MTOR: variants seen among roughly 807,000 people sequenced by gnomAD.
MTOR encodes serine/threonine-protein kinase mTOR.
MTOR carries 70 observed loss-of-function variants against 319.8 expected under a neutral mutation model. That is an observed-to-expected ratio of 0.22 (90% CI 0.18 to 0.27). The LOEUF is 0.27. MTOR is among the 10% of genes least tolerant of loss of function. The pLI is 1.00. For synonymous variants in MTOR, 1,183 were observed against 1,211.4 expected (o/e 0.98, Z 0.49); for missense variants, 1,890 against 3,274.4 (o/e 0.58, Z 10.32).
chr1:11,204,843 C>T, intron 25 of MTOR, 140 bp from the exon 26 acceptor site: 1 of 1,018,386 alleles, frequency 9.8e-7, no homozygotes, highest in Non-Finnish European at 1.4e-6. Context: ...AGTACAAATA[C>T]AAAAGAATAA....
At position 11,184,939 on chromosome 1, in the gene MTOR, T is replaced by C. The variant is rs952539660; in HGVS notation, c.4253+14319A>G. Reference sequence around the variant, plus strand: ...CTTTAGCTTCTGCTGCCATTCTTCTTCCCTTTGACTCTTAGGCCACACTCG... The same window carrying C: ...CTTTAGCTTCTGCTGCCATTCTTCTCCCCTTTGACTCTTAGGCCACACTCG... On this transcript the variant is annotated intron_variant, in intron 28 of 57. Transcript: ENST00000361445. Among the ~76,000 whole-genome samples, 6 of 152,272 alleles carry C rather than the reference T, an allele frequency of 3.9e-5. No individual in the cohort carries two copies. The South Asian group carries it at 8.3e-4, about 21-fold the overall frequency.
At chr1:11,172,030 C>CAAGAA (rs1644830651) in intron 28 of MTOR, among the ~76,000 whole-genome samples, 1 of 84,734 alleles carries the variant, frequency 1.2e-5, no homozygotes, top group Admixed American at 1.3e-4. Context: ...AACTCCATCT[C>CAAGAA]AAAAAAAAAA....
rs975577894 is a variant in MTOR, at chr1:11,199,383, A to C, written c.4128T>G (p.Asp1376Glu). ...CACCCAGCAGAACAATGCCATTGTC[A>C]TCTCTCAGTGGCAGGGGGCCCTGGA... Reference protein sequence around the residue: ...HSDKGPLPLRDDNGIVLLGER... With the variant: ...HSDKGPLPLREDNGIVLLGER... Residue 1376 changes from aspartate to glutamate, a missense_variant, in exon 28 of 58, where the codon GAT becomes GAG. By Grantham distance (45) the Asp-to-Glu change is conservative (BLOSUM62 2). This residue lies in a region of MTOR where 45 missense variants were observed against 107.2 expected (regional missense o/e 0.42). Transcript: ENST00000361445. The surrounding 1 kb of genome is among the most constrained non-coding windows in gnomAD (Gnocchi z 4.5). The C allele has an allele frequency of 3.1e-6, 5 of 1,614,166 alleles. No individual in the cohort carries two copies. The highest frequency in any genetic ancestry group is 1.7e-5 in the Admixed American group (1 of 60,014).
chr1:11,120,676 C>T (rs932903681), intron 49 of MTOR, among the ~76,000 whole-genome samples: 1 of 152,082 alleles, frequency 6.6e-6, no homozygotes, highest in Admixed American at 6.6e-5. Flanking sequence ...AATAAAATGG[C>T]ATAGTATTGT....
At chr1:11,223,484 G>A (rs954416417) in intron 19 of MTOR, among the ~76,000 whole-genome samples, 1 of 152,112 alleles carries the variant, frequency 6.6e-6, no homozygotes, top group African/African-American at 2.4e-5. Context: ...GAAAGGCGAT[G>A]GAGGTAAGAG....
At chr1:11,156,905 A>G (rs1029018724) in intron 30 of MTOR, among the ~76,000 whole-genome samples, 1 of 152,182 alleles carries the variant, frequency 6.6e-6, no homozygotes, top group Admixed American at 6.5e-5. Flanking sequence ...AGATCCCAGG[A>G]GCACCCCCAA....
intron 28 of MTOR, among the ~76,000 whole-genome samples, chr1:11,190,698 G>C (rs1406213708): frequency 6.6e-6 from 1 of 152,172 alleles, no homozygotes; most frequent in Non-Finnish European, 1.5e-5. Flanking sequence ...CTCAGCTCAG[G>C]TGGGCCAACA....
At chr1:11,209,716 A>C (rs531913427) in intron 24 of MTOR, among the ~76,000 whole-genome samples, 2 of 152,344 alleles carry the variant, frequency 1.3e-5, no homozygotes, top group South Asian at 4.1e-4. Flanking sequence ...GCAAAGATAA[A>C]CAATTGTCGG....
intron 53 of MTOR, among the ~76,000 whole-genome samples, chr1:11,113,587 C>A (rs902246244): frequency 1.3e-5 from 2 of 151,964 alleles, no homozygotes; most frequent in Non-Finnish European, 2.9e-5. Flanking sequence ...TATTTGTTTT[C>A]TTTTATTTTT....
At position 11,121,232 on chromosome 1, in the gene MTOR, G is replaced by A. The variant is rs1369690824; in HGVS notation, c.6933+14C>T. ...TTCCAGGAGAGCGCAGGTCTGCAGGGCCCAGTGGCCTACCTCGGAGCTGGG... is the reference window on the plus strand; with the variant it reads ...TTCCAGGAGAGCGCAGGTCTGCAGGACCCAGTGGCCTACCTCGGAGCTGGG... On this transcript the variant is annotated intron_variant, in intron 49 of 57. Transcript: ENST00000361445. The surrounding 1 kb of genome is among the most constrained non-coding windows in gnomAD (Gnocchi z 4.9). 6.2e-7 allele frequency: 1 copy of A among 1,612,310 alleles called. No individual in the cohort carries two copies. Among genetic ancestry groups the A allele is most frequent in the African/African-American group, 1.3e-5 (1 of 75,050 alleles).
chr1:11,157,204 C>A lies in MTOR; in HGVS notation c.4417G>T (p.Asp1473Tyr), dbSNP rs1313381757. The A allele has an allele frequency of 6.2e-7, 1 of 1,614,016 alleles. No individual in the cohort carries two copies. Among genetic ancestry groups the A allele is most frequent in the African/African-American group, 1.3e-5 (1 of 75,042 alleles). ...YDKKMDTNKD[D>Y]PELMLGRMRC... is the part of the protein sequence containing the mutation. Reference sequence around the variant, plus strand: ...ATGCGGCCCAGCATCAGCTCTGGGTCGTCCTTGTTGGTGTCCATTTTCTTG... The same window carrying A: ...ATGCGGCCCAGCATCAGCTCTGGGTAGTCCTTGTTGGTGTCCATTTTCTTG... The change falls in exon 30 of 58, where the codon GAC becomes TAC. Residue 1473 changes from aspartate to tyrosine, a missense_variant. Coordinates refer to ENST00000361445, the MANE Select transcript of MTOR (RefSeq NM_004958.4).
At chr1:11,205,246 C>G (rs1358540566) in intron 25 of MTOR, among the ~76,000 whole-genome samples, 3 of 152,182 alleles carry the variant, frequency 2.0e-5, no homozygotes, top group Non-Finnish European at 4.4e-5. Flanking sequence ...ACTCTGAACT[C>G]TCCAGACATC....
intron 49 of MTOR, among the ~76,000 whole-genome samples, chr1:11,118,459 A>C (rs1183067683): frequency 6.7e-6 from 1 of 149,410 alleles, no homozygotes; most frequent in East Asian, 2.0e-4. Context: ...CTGGTCTTGA[A>C]CTCCTGACCT....
At chr1:11,184,958 A>T (rs1441860651) in intron 28 of MTOR, among the ~76,000 whole-genome samples, 1 of 152,208 alleles carries the variant, frequency 6.6e-6, no homozygotes, top group African/African-American at 2.4e-5. Context: ...CTCTTAGGCC[A>T]CACTCGACTA....
chr1:11,258,183 A>T (rs1650673576), intron 3 of MTOR, among the ~76,000 whole-genome samples: 1 of 151,996 alleles, frequency 6.6e-6, no homozygotes, highest in Admixed American at 6.6e-5. Context: ...ACTATGCGAA[A>T]CCCTGCTCTA....
chr1:11,158,412 G>A (rs907167474), intron 29 of MTOR, among the ~76,000 whole-genome samples: 4 of 152,114 alleles, frequency 2.6e-5, no homozygotes, highest in African/African-American at 9.7e-5. Context: ...GGTCATTTAT[G>A]CTGGAGATTG....
chr1:11,211,579 T>C (rs1036425274), intron 23 of MTOR, among the ~76,000 whole-genome samples: 1 of 152,054 alleles, frequency 6.6e-6, no homozygotes, highest in Non-Finnish European at 1.5e-5. Context: ...ATGTCTGGAG[T>C]TGGTCTCCAA....
At chr1:11,122,156 T>C (rs1268991006) in intron 47 of MTOR, 30 bp from the exon 48 acceptor site, 1 of 1,613,638 alleles carries the variant, frequency 6.2e-7, no homozygotes, top group African/African-American at 1.3e-5. Context: ...AGGGTTAGTG[T>C]ACCGTAAAGA....
chr1:11,124,735 T>C, intron 46 of MTOR, 102 bp from the exon 47 acceptor site: 1 of 1,285,070 alleles, frequency 7.8e-7, no homozygotes, highest in Non-Finnish European at 1.0e-6. Flanking sequence ...ACATATGCCT[T>C]ACCTAATCAC....
Sources: allele counts gnomAD v4.1 joint callset (sites outside exome capture counted in the v4.1 genomes callset), GRCh38; gene constraint gnomAD v4.1.1; regional missense constraint gnomAD v4.1.1; non-coding constraint Gnocchi (gnomAD v3.1); transcripts MANE v1.5; gene names NCBI Gene and HGNC (gene_info 2026-07-23, HGNC 2026-07-21).